Variants in PXDNL observed in about 807,000 individuals in gnomAD.
PXDNL encodes probable oxidoreductase PXDNL.
A neutral mutation model predicts 150.8 loss-of-function variants in PXDNL; 145 were observed. That is an observed-to-expected ratio of 0.96 (90% CI 0.84 to 1.10). The LOEUF (loss-of-function observed/expected upper bound fraction) is 1.10. Among genes scored for constraint, PXDNL ranks in the 50% least tolerant of loss-of-function variants. PXDNL has a pLI of 0.00. For synonymous variants in PXDNL, 757 were observed against 725.7 expected, an observed-to-expected ratio of 1.04 and a Z score of -0.69; for missense variants, 2,087 against 1,873.9, an observed-to-expected ratio of 1.11 and a Z score of -2.10.
chr8:51,643,756 A>T (rs1016525742), intron 2 of PXDNL, among the ~76,000 whole-genome samples: 1 of 152,222 alleles, frequency 6.6e-6, no homozygotes, highest in African/African-American at 2.4e-5. Context: ...GTGAACAGGC[A>T]ACCTACAGAA....
chr8:51,703,156 A>C (rs551982434), intron 1 of PXDNL, among the ~76,000 whole-genome samples: 15 of 152,276 alleles, frequency 9.9e-5, no homozygotes, highest in Admixed American at 2.0e-4. Flanking sequence ...TTAATCTTTT[A>C]GTTTTCAGGG....
intron 4 of PXDNL, among the ~76,000 whole-genome samples, chr8:51,507,936 G>A (rs1170381726): frequency 6.6e-6 from 1 of 152,168 alleles, no homozygotes; most frequent in Non-Finnish European, 1.5e-5. Flanking sequence ...GGAAGGAGTG[G>A]TGGTGACGAT....
intron 1 of PXDNL, among the ~76,000 whole-genome samples, chr8:51,678,682 A>G (rs943491906): frequency 1.3e-5 from 2 of 151,012 alleles, no homozygotes; most frequent in African/African-American, 4.9e-5. Context: ...ACACATGGAC[A>G]CAGGAAGGGG....
intron 1 of PXDNL, among the ~76,000 whole-genome samples, chr8:51,800,456 A>G (rs1210641935): frequency 2.6e-5 from 4 of 152,166 alleles, no homozygotes; most frequent in Non-Finnish European, 4.4e-5. Flanking sequence ...CAGGGAGAAG[A>G]AAGGCTTCCC....
intron 1 of PXDNL, among the ~76,000 whole-genome samples, chr8:51,723,046 G>T (rs367600062): frequency 1.6e-4 from 24 of 151,832 alleles, no homozygotes; most frequent in African/African-American, 5.3e-4. Flanking sequence ...ATGGCCTCAA[G>T]AATTCATTTC....
chr8:51,744,995 AG>A (rs1164415794), intron 1 of PXDNL, among the ~76,000 whole-genome samples: 357 of 2,734 alleles, frequency 0.13, 28 homozygotes, highest in Middle Eastern at 0.5. Flanking sequence ...AAAGAAAGGG[AG>A]GGAGGGAAGA....
At chr8:51,411,043 G>C (rs1808625199) in intron 16 of PXDNL, among the ~76,000 whole-genome samples, 1 of 152,156 alleles carries the variant, frequency 6.6e-6, no homozygotes, top group Non-Finnish European at 1.5e-5. Flanking sequence ...TAAAAGTTGA[G>C]ACAAGTTTGA....
At chr8:51,334,758 A>G (rs1298553702) in intron 21 of PXDNL, among the ~76,000 whole-genome samples, 1 of 152,172 alleles carries the variant, frequency 6.6e-6, no homozygotes, top group Non-Finnish European at 1.5e-5. Flanking sequence ...TCCATCCAGA[A>G]GAAAAAATGT....
intron 1 of PXDNL, among the ~76,000 whole-genome samples, chr8:51,781,979 C>A (rs2037419771): frequency 6.6e-6 from 1 of 152,196 alleles, no homozygotes; most frequent in Non-Finnish European, 1.5e-5. Flanking sequence ...GGCCTCCTCA[C>A]CACATGTGTT....
intron 1 of PXDNL, among the ~76,000 whole-genome samples, chr8:51,711,994 T>C (rs898685532): frequency 1.2e-4 from 19 of 152,290 alleles, no homozygotes; most frequent in African/African-American, 4.1e-4. Context: ...GCCAAGGAGA[T>C]GGGAATTCAG....
chr8:51,628,341 C>A (rs77048483), intron 2 of PXDNL, among the ~76,000 whole-genome samples: 10,770 of 128,226 alleles, frequency 0.084, 1,317 homozygotes, highest in African/African-American at 0.3. Flanking sequence ...TTCTTTATTT[C>A]TTTCTTTCTT....
chr8:51,571,171 T>A (rs768773647), intron 3 of PXDNL, among the ~76,000 whole-genome samples: 41 of 151,784 alleles, frequency 2.7e-4, no homozygotes, highest in Non-Finnish European at 5.0e-4. Context: ...TCTAAAAATA[T>A]TTTCACTTGA....
At chr8:51,671,149 A>G (rs757491363) in intron 1 of PXDNL, among the ~76,000 whole-genome samples, 2 of 152,204 alleles carry the variant, frequency 1.3e-5, no homozygotes, top group Non-Finnish European at 2.9e-5. Flanking sequence ...TATTTGGAAG[A>G]CTTGACTCGA....
chr8:51,429,687 C>CTTTTTTTTTTTT, intron 12 of PXDNL, among the ~76,000 whole-genome samples: 1 of 125,370 alleles, frequency 8.0e-6, no homozygotes, highest in Non-Finnish European at 1.7e-5. Flanking sequence ...TTTTTCCTTT[C>CTTTTTTTTTTTT]TTTTTTTTTT....
At chr8:51,339,806 A>G in intron 20 of PXDNL, 53 bp from the exon 21 acceptor site, 1 of 1,539,784 alleles carries the variant, frequency 6.5e-7, no homozygotes, top group Non-Finnish European at 8.8e-7. Context: ...TCGTGTGAGA[A>G]TTTTAAAATA....
chr8:51,530,865 C>T (rs890442419), intron 4 of PXDNL, among the ~76,000 whole-genome samples: 1 of 151,974 alleles, frequency 6.6e-6, no homozygotes, highest in African/African-American at 2.4e-5. Context: ...ATTTCTCTCT[C>T]CTTCCTAAAA....
At chr8:51,398,151 A>T (rs995377040) in intron 17 of PXDNL, among the ~76,000 whole-genome samples, 2 of 152,204 alleles carry the variant, frequency 1.3e-5, no homozygotes, top group African/African-American at 4.8e-5. Flanking sequence ...AAGCAGCCTA[A>T]GACTGGGGAG....
intron 14 of PXDNL, among the ~76,000 whole-genome samples, chr8:51,417,158 A>G (rs190414817): frequency 6.6e-6 from 1 of 152,346 alleles, no homozygotes; most frequent in Admixed American, 6.5e-5. Context: ...CTTAAGGAAT[A>G]GAACAATCAG....
intron 1 of PXDNL, among the ~76,000 whole-genome samples, chr8:51,686,096 T>G (rs1815866049): frequency 6.6e-6 from 1 of 152,230 alleles, no homozygotes; most frequent in South Asian, 2.1e-4. Flanking sequence ...TTCTTTCTAA[T>G]GAGCCATAGG....
Sources: gnomAD v4.1 joint callset for allele counts (sites outside exome capture counted in the v4.1 genomes callset) on GRCh38, gnomAD v4.1.1 for gene constraint, MANE v1.5 for transcripts, NCBI Gene and HGNC (gene_info 2026-07-23, HGNC 2026-07-21) for gene names.